The following DCAKD variants were observed in gnomAD, a reference collection of about 807,000 sequenced individuals.
The protein encoded by DCAKD is dephospho-CoA kinase domain-containing protein.
DCAKD carries 15 observed loss-of-function variants against 18.7 expected under a neutral mutation model. That is an observed-to-expected ratio of 0.80 (90% CI 0.54 to 1.24). The LOEUF (loss-of-function observed/expected upper bound fraction) is 1.24. Among genes scored for constraint, DCAKD ranks in the 50% most tolerant of loss-of-function variants. The pLI, the probability that DCAKD is intolerant of heterozygous loss-of-function variation, is 0.00. For synonymous variants in DCAKD, 130 were observed against 133.0 expected (o/e 0.98, Z 0.16); for missense variants, 301 against 322.0 (o/e 0.93, Z 0.50).
intron 1 of DCAKD, among the ~76,000 whole-genome samples, chr17:45,041,327 T>C (rs1271449763): frequency 6.6e-6 from 1 of 151,158 alleles, no homozygotes; most frequent in Admixed American, 6.6e-5. Context: ...TTTTTTTTTT[T>C]TTGAGACGGA....
chr17:45,047,598 C>T (rs187363777), intron 1 of DCAKD, among the ~76,000 whole-genome samples: 7 of 151,456 alleles, frequency 4.6e-5, no homozygotes, highest in Middle Eastern at 3.4e-3. Flanking sequence ...CTCCGGCTCC[C>T]GGTTCAAATG....
intron 1 of DCAKD, among the ~76,000 whole-genome samples, chr17:45,050,038 T>TTTTCTTTCTTTC (rs112386425): frequency 6.8e-6 from 1 of 147,570 alleles, no homozygotes; most frequent in African/African-American, 2.5e-5. Flanking sequence ...GCAGGTAATT[T>TTTTCTTTCTTTC]TTTCTTTCTT....
chr17:45,060,053 G>A (rs1409041512), intron 1 of DCAKD, among the ~76,000 whole-genome samples: 1 of 152,114 alleles, frequency 6.6e-6, no homozygotes, highest in South Asian at 2.1e-4. Context: ...GCAGTGAGCC[G>A]AGATCGCACC....
At chr17:45,031,229 T>C (rs2053165539) in intron 3 of DCAKD, 2 of 985,202 alleles carry the variant, frequency 2.0e-6, no homozygotes, top group Non-Finnish European at 2.4e-6. Context: ...GCAGGGACAA[T>C]GGCGGTGGGG....
Position 45,024,107 on chromosome 17 carries a change from A to C in DCAKD, c.*326T>G, listed in dbSNP as rs1298362187. ...CACAGAGCCAGTATTCCCTACCCCC[A>C]CCCACAGAAATGTATAGCAGTCTCT... On this transcript the variant is annotated 3_prime_UTR_variant, in exon 5 of 5. Coordinates refer to ENST00000651974, the MANE Select transcript of DCAKD (RefSeq NM_001288655.2). 7.4e-6 allele frequency: 2 copies of C among 271,754 alleles called. No homozygotes were observed. Among genetic ancestry groups the C allele is most frequent in the Non-Finnish European group, 1.4e-5 (2 of 140,690 alleles). 16.8% of individuals were successfully genotyped at this position (271,754 alleles called of 1,614,324 possible).
chr17:45,054,832 C>T (rs938851099), upstream of DCAKD, among the ~76,000 whole-genome samples: 8 of 152,166 alleles, frequency 5.3e-5, no homozygotes, highest in African/African-American at 1.9e-4. Context: ...CTGGCCTGTC[C>T]CCCCAAATTA....
chr17:45,032,200 T>A, intron 3 of DCAKD: 1 of 836,680 alleles, frequency 1.2e-6, no homozygotes, highest in Non-Finnish European at 1.4e-6. Flanking sequence ...GGAAGGACAC[T>A]GGCACAACAT....
At chr17:45,046,015 C>A (rs894771298) in intron 1 of DCAKD, among the ~76,000 whole-genome samples, 1 of 151,890 alleles carries the variant, frequency 6.6e-6, no homozygotes, top group South Asian at 2.1e-4. Context: ...TTAGTAGAGA[C>A]GGGATTTCAC....
intron 4 of DCAKD, among the ~76,000 whole-genome samples, chr17:45,027,065 G>A (rs1294956651): frequency 6.6e-6 from 1 of 152,220 alleles, no homozygotes; most frequent in Non-Finnish European, 1.5e-5. Context: ...GAAATTGGCT[G>A]GGCACAGTGG....
chr17:45,046,387 G>C (rs1567847660), intron 1 of DCAKD, among the ~76,000 whole-genome samples: 1 of 152,106 alleles, frequency 6.6e-6, no homozygotes, highest in Non-Finnish European at 1.5e-5. Flanking sequence ...GGAGGCCAAG[G>C]AGGGCTGATC....
chr17:45,024,490 G>A lies in DCAKD; in HGVS notation c.639C>T (p.Leu213=), dbSNP rs148330343. ...LPLRFGVLTG[L]AAIASLLYLL... is the part of the protein sequence containing the mutation. ...GGTAGAGGAGGCTGGCAATGGCAGC[G>A]AGCCCTGTGAGGACCCCAAACCTCA... The change falls in exon 5 of 5, where the codon CTC becomes CTT. Residue 213 remains leucine (L), a synonymous_variant. Transcript: ENST00000651974. 3.1e-5 allele frequency: 50 copies of A among 1,613,402 alleles called. No homozygotes were observed. Among genetic ancestry groups the A allele is most frequent in the South Asian group, 3.0e-4 (27 of 91,080 alleles).
At chr17:45,048,531 G>C (rs1366659687) in intron 1 of DCAKD, among the ~76,000 whole-genome samples, 1 of 152,192 alleles carries the variant, frequency 6.6e-6, no homozygotes, top group African/African-American at 2.4e-5. Context: ...CAGCTACTCA[G>C]GAGGCTGAGG....
chr17:45,040,121 C>G (rs983987827), intron 1 of DCAKD, among the ~76,000 whole-genome samples: 2 of 149,576 alleles, frequency 1.3e-5, no homozygotes, highest in African/African-American at 5.0e-5. Flanking sequence ...GGTGTGGTGG[C>G]TCATGCCTGT....
Position 45,051,612 on chromosome 17 carries a change from G to C in DCAKD, c.-366C>G, listed in dbSNP as rs1377204025. 1 of 151,150 alleles carries C rather than the reference G, an allele frequency of 6.6e-6. No homozygotes were observed. Among genetic ancestry groups the C allele is most frequent in the African/African-American group, 2.4e-5 (1 of 41,254 alleles). 9.4% of individuals were successfully genotyped at this position (151,150 alleles called of 1,614,324 possible). On this transcript the variant is annotated 5_prime_UTR_variant, in exon 1 of 5. Transcript: ENST00000651974. ...TAGCCCAATCTCCGCAGCGCTTACA[G>C]GCCGGCTCAGCGGGCGAGGCGGGAC...
chr17:45,045,538 C>T (rs1259408849), intron 1 of DCAKD, among the ~76,000 whole-genome samples: 2 of 152,042 alleles, frequency 1.3e-5, no homozygotes, highest in Non-Finnish European at 2.9e-5. Flanking sequence ...TCAAGACCAT[C>T]CTGGCCAATA....
chr17:45,024,410 G>A lies in DCAKD; in HGVS notation c.*23C>T. ...TCCAAGGAGATAGATGGAGGCCTGG[G>A]GCTCCCTGCCTTGAGTGCCCCACTA... On this transcript the variant is annotated 3_prime_UTR_variant, in exon 5 of 5. Transcript: ENST00000651974. 6.3e-7 allele frequency: 1 copy of A among 1,579,768 alleles called. No individual in the cohort carries two copies. The highest frequency in any genetic ancestry group is 8.6e-7 in the Non-Finnish European group (1 of 1,156,806).
At chr17:45,056,565 C>G (rs1004475293), upstream of DCAKD, among the ~76,000 whole-genome samples, 4 of 152,054 alleles carry the variant, frequency 2.6e-5, no homozygotes, top group East Asian at 7.7e-4. Flanking sequence ...CCTCCACTTC[C>G]CGGGTTCAAG....
At chr17:45,035,091 G>C (rs1276860300) in intron 1 of DCAKD, 92 bp from the exon 2 acceptor site, 2 of 565,686 alleles carry the variant, frequency 3.5e-6, no homozygotes, top group Non-Finnish European at 6.4e-6. Context: ...AGCTTGGCTG[G>C]GGAGGGACAT....
chr17:45,048,547 G>A (rs186944474), intron 1 of DCAKD, among the ~76,000 whole-genome samples: 1 of 152,320 alleles, frequency 6.6e-6, no homozygotes, highest in East Asian at 1.9e-4. Flanking sequence ...TGAGGCAGAA[G>A]AATCGCTTGA....
Sources: gnomAD v4.1 joint callset for allele counts (sites outside exome capture counted in the v4.1 genomes callset) on GRCh38, gnomAD v4.1.1 for gene constraint, MANE v1.5 for transcripts, NCBI Gene and HGNC (gene_info 2026-07-23, HGNC 2026-07-21) for gene names.